The following MTIF3 variants were observed in gnomAD, a reference collection of about 807,000 sequenced individuals.
The protein encoded by MTIF3 is mitochondrial translational initiation factor 3, also known as translation initiation factor IF-3, mitochondrial.
In MTIF3, 13 loss-of-function variants were observed where a neutral mutation model predicts 20.7. That is an observed-to-expected ratio of 0.63 (90% CI 0.41 to 1.00). MTIF3 has a LOEUF of 1.00. Among genes scored for constraint, MTIF3 ranks in the 50% least tolerant of loss-of-function variants. MTIF3 has a pLI of 0.00. For missense variants in MTIF3, 295 were observed against 324.5 expected, an observed-to-expected ratio of 0.91 and a Z score of 0.70; for synonymous variants, 114 against 112.5, an observed-to-expected ratio of 1.01 and a Z score of -0.08.
At chr13:27,438,904 C>T (rs1449051359) in intron 3 of MTIF3, among the ~76,000 whole-genome samples, 3 of 150,080 alleles carry the variant, frequency 2.0e-5, no homozygotes, top group East Asian at 1.9e-4. Context: ...CATTACAAAA[C>T]TGAGCCGCAG....
chr13:27,442,648 T>G (rs1045672339), intron 2 of MTIF3, among the ~76,000 whole-genome samples: 5 of 152,160 alleles, frequency 3.3e-5, no homozygotes, highest in Non-Finnish European at 5.9e-5. Flanking sequence ...ACCCCTCCTC[T>G]GGGTCCTGGC....
chr13:27,444,100 G>A (rs9507895), intron 2 of MTIF3, among the ~76,000 whole-genome samples: 2 of 151,896 alleles, frequency 1.3e-5, no homozygotes, highest in African/African-American at 2.4e-5. Flanking sequence ...TCAGGAGATC[G>A]AGACCATCCT....
At position 27,440,386 on chromosome 13, in the gene MTIF3, A is replaced by T; in HGVS notation, c.63T>A (p.Ile21=). The T allele has an allele frequency of 6.2e-7, 1 of 1,614,168 alleles. No homozygotes were observed. Among genetic ancestry groups the T allele is most frequent in the East Asian group, 2.2e-5 (1 of 44,890 alleles). Residue 21 remains isoleucine, a synonymous_variant, in exon 3 of 5, where the codon ATT becomes ATA. Coordinates refer to ENST00000381120, the MANE Select transcript of MTIF3 (RefSeq NM_152912.5). ...GCAGGATGTGTTTACCAAAACATCT[A>T]ATGCAACTATTTTCAGACTTTACAG... ...LQTVKSENSC[I]RCFGKHILQK... is the part of the protein sequence containing the mutation.
intron 3 of MTIF3, among the ~76,000 whole-genome samples, chr13:27,437,514 GT>G (rs1413955165): frequency 6.6e-6 from 1 of 152,182 alleles, no homozygotes; most frequent in Non-Finnish European, 1.5e-5. Context: ...GTTAACCATC[GT>G]TTGTTGAAAG....
At position 27,440,377 on chromosome 13, in the gene MTIF3, A is replaced by G; in HGVS notation, c.72T>C (p.Phe24=). The G allele has an allele frequency of 1.9e-6, 3 of 1,614,222 alleles. No individual in the cohort carries two copies. Among genetic ancestry groups the G allele is most frequent in the African/African-American group, 1.3e-5 (1 of 75,054 alleles). ...CTGTCTTTTGCAGGATGTGTTTACCAAAACATCTAATGCAACTATTTTCAG... is the reference window on the plus strand; with the variant it reads ...CTGTCTTTTGCAGGATGTGTTTACCGAAACATCTAATGCAACTATTTTCAG... ...VKSENSCIRC[F]GKHILQKTAP... is the part of the protein sequence containing the mutation. Residue 24 remains phenylalanine, a synonymous_variant, in exon 3 of 5, where the codon TTT becomes TTC. Transcript: ENST00000381120.
At chr13:27,449,542 C>T (rs563952600) in intron 1 of MTIF3, among the ~76,000 whole-genome samples, 1 of 152,302 alleles carries the variant, frequency 6.6e-6, no homozygotes, top group African/African-American at 2.4e-5. Flanking sequence ...ACGCCAGATC[C>T]TTAGCGCATT....
At chr13:27,440,621 A>G (rs1435620870) in intron 2 of MTIF3, 172 bp from the exon 3 acceptor site, 3 of 616,700 alleles carry the variant, frequency 4.9e-6, no homozygotes, top group African/African-American at 1.8e-5. Context: ...ACACTGATAA[A>G]GCGGACTAGC....
chr13:27,443,694 G>A (rs1250254685), intron 2 of MTIF3, among the ~76,000 whole-genome samples: 1 of 151,816 alleles, frequency 6.6e-6, no homozygotes, highest in Non-Finnish European at 1.5e-5. Context: ...AAAGTGCCTT[G>A]TTTAATAAAT....
intron 1 of MTIF3, among the ~76,000 whole-genome samples, chr13:27,448,047 T>C (rs570821452): frequency 3.0e-4 from 45 of 151,666 alleles, no homozygotes; most frequent in South Asian, 1.9e-3. Flanking sequence ...CCTGTATAAT[T>C]CATTATTTTG....
At chr13:27,446,898 C>G (rs1013479847) in intron 1 of MTIF3, among the ~76,000 whole-genome samples, 2 of 152,008 alleles carry the variant, frequency 1.3e-5, no homozygotes, top group Non-Finnish European at 2.9e-5. Context: ...GTATACGATT[C>G]GGGTGATGGT....
intron 2 of MTIF3, among the ~76,000 whole-genome samples, chr13:27,442,375 C>T (rs1032310509): frequency 5.9e-5 from 9 of 152,136 alleles, no homozygotes; most frequent in Non-Finnish European, 1.2e-4. Context: ...ACAGTAAAAC[C>T]GCATCACAGT....
chr13:27,449,056 AT>A (rs59480766), intron 1 of MTIF3, among the ~76,000 whole-genome samples: 1,892 of 151,916 alleles, frequency 0.012, 44 homozygotes, highest in African/African-American at 0.041. Context: ...CTCAAAAAAA[AT>A]TTTTTTTTAA....
chr13:27,439,415 G>C (rs1256789682), intron 3 of MTIF3, among the ~76,000 whole-genome samples: 2 of 152,204 alleles, frequency 1.3e-5, no homozygotes, highest in Non-Finnish European at 2.9e-5. Context: ...AGAATCGCTT[G>C]AGCCTGGGAG....
At chr13:27,443,378 TCAG>T (rs1401767856) in intron 2 of MTIF3, among the ~76,000 whole-genome samples, 1 of 152,130 alleles carries the variant, frequency 6.6e-6, no homozygotes, top group Non-Finnish European at 1.5e-5. Context: ...TTTTCACTTA[TCAG>T]AAAACTAGCA....
In MTIF3 at chr13:27,437,143, T is replaced by G; in HGVS notation, c.591A>C (p.Lys197Asn). 1 of 1,613,964 alleles carries G rather than the reference T, an allele frequency of 6.2e-7. No homozygotes were observed. The highest frequency in any genetic ancestry group is 8.5e-7 in the Non-Finnish European group (1 of 1,179,946). ...HLVQITIKKG[K>N]NVDVSENEME... ...TTTCATTTTCTGACACGTCTACATT[T>G]TTTCCTTTCTTTATGGTAATCTGGA... Residue 197 changes from lysine to asparagine, a missense_variant, in exon 4 of 5, where the codon AAA (lysine) becomes AAC (asparagine). Transcript: ENST00000381120.
intron 1 of MTIF3, 67 bp downstream of exon 1, chr13:27,450,442 C>T (rs763102910): frequency 1.3e-5 from 2 of 152,426 alleles, no homozygotes; most frequent in Non-Finnish European, 2.9e-5. Flanking sequence ...ACAGGGGCGC[C>T]CCCTAAGGCC....
intron 1 of MTIF3, among the ~76,000 whole-genome samples, chr13:27,449,359 C>A (rs1954279796): frequency 6.6e-6 from 1 of 152,212 alleles, no homozygotes; most frequent in Non-Finnish European, 1.5e-5. Context: ...CACTGCACTG[C>A]GGTCACTACA....
At chr13:27,449,227 C>T (rs890055844) in intron 1 of MTIF3, among the ~76,000 whole-genome samples, 24 of 152,124 alleles carry the variant, frequency 1.6e-4, no homozygotes, top group Non-Finnish European at 1.5e-5. Flanking sequence ...TTCCTAAACC[C>T]CACTCGAATC....
intron 3 of MTIF3, among the ~76,000 whole-genome samples, chr13:27,439,615 T>G (rs915491650): frequency 6.6e-6 from 1 of 152,082 alleles, no homozygotes; most frequent in Non-Finnish European, 1.5e-5. Context: ...GCAGGGAACT[T>G]GAATGTACCC....
Sources: allele counts gnomAD v4.1 joint callset (sites outside exome capture counted in the v4.1 genomes callset), GRCh38; gene constraint gnomAD v4.1.1; transcripts MANE v1.5; gene names NCBI Gene and HGNC (gene_info 2026-07-23, HGNC 2026-07-21).